The following CACNA1C variants were observed in gnomAD, a reference collection of about 807,000 sequenced individuals.
CACNA1C encodes the protein calcium voltage-gated channel subunit alpha1 C.
CACNA1C carries 30 observed loss-of-function variants against 229.0 expected under a neutral mutation model. That is an observed-to-expected ratio of 0.13 (90% CI 0.10 to 0.18). The LOEUF (loss-of-function observed/expected upper bound fraction) is 0.18. Among genes scored for constraint, CACNA1C ranks in the 10% least tolerant of loss-of-function variants. The pLI is 1.00. For synonymous variants in CACNA1C, 1,114 were observed against 1,132.5 expected (o/e 0.98, Z 0.33); for missense variants, 1,658 against 2,845.0 (o/e 0.58, Z 9.49).
chr12:2,251,678 T>A (rs2075661067), intron 3 of CACNA1C, among the ~76,000 whole-genome samples: 1 of 152,344 alleles, frequency 6.6e-6, no homozygotes, highest in East Asian at 1.9e-4. Flanking sequence ...ATAACCAAAA[T>A]ACCCTTTTGG....
At chr12:2,589,876 A>T (rs1403323903) in intron 18 of CACNA1C, among the ~76,000 whole-genome samples, 2 of 152,204 alleles carry the variant, frequency 1.3e-5, no homozygotes, top group Admixed American at 6.5e-5. Context: ...ATTCACTCAC[A>T]GCTTAGATGT....
chr12:2,059,617 A>G (rs560562541), intron 1 of CACNA1C, among the ~76,000 whole-genome samples: 216 of 152,294 alleles, frequency 1.4e-3, no homozygotes, highest in African/African-American at 5.0e-3. Context: ...ATAGGGGGCA[A>G]GGGGCTAGGC....
At position 2,054,921 on chromosome 12, in the gene CACNA1C, G is replaced by T. The variant is rs1375073852; in HGVS notation, c.49+1310G>T. On this transcript the variant is annotated intron_variant, in intron 1 of 46. Coordinates refer to ENST00000399655, the MANE Select transcript of CACNA1C (RefSeq NM_000719.7). The surrounding 1 kb of genome is among the most constrained non-coding windows in gnomAD (Gnocchi z 5.5). Reference sequence around the variant, plus strand: ...TTTGTCCAGCTTTTTCCCTCTGTTTGCTCCCAGCTCCACCTTTTGGGGACA... The same window carrying T: ...TTTGTCCAGCTTTTTCCCTCTGTTTTCTCCCAGCTCCACCTTTTGGGGACA... 6.6e-6 allele frequency among the ~76,000 whole-genome samples: 1 copy of T among 152,168 alleles called. No individual in the cohort carries two copies. The highest frequency in any genetic ancestry group is 1.5e-5 in the Non-Finnish European group (1 of 68,032).
chr12:2,432,911 A>T (rs1288912852), intron 3 of CACNA1C, among the ~76,000 whole-genome samples: 1 of 152,058 alleles, frequency 6.6e-6, no homozygotes, highest in Non-Finnish European at 1.5e-5. Context: ...AAGGAATTGG[A>T]GACTGAAGAG....
chr12:2,082,943 A>G (rs1196863782), intron 1 of CACNA1C, among the ~76,000 whole-genome samples: 1 of 152,188 alleles, frequency 6.6e-6, no homozygotes, highest in African/African-American at 2.4e-5. Flanking sequence ...CTGTGAAAAT[A>G]GTTTTTTGGT....
intron 30 of CACNA1C, among the ~76,000 whole-genome samples, chr12:2,642,446 G>A (rs1469771154): frequency 6.6e-6 from 1 of 152,114 alleles, no homozygotes; most frequent in Non-Finnish European, 1.5e-5. Context: ...CCTGCTGCTG[G>A]GGTTCTTTCC....
chr12:2,402,450 G>A (rs113936327), intron 3 of CACNA1C, among the ~76,000 whole-genome samples: 2,156 of 152,350 alleles, frequency 0.014, 54 homozygotes, highest in African/African-American at 0.047. Flanking sequence ...AGGCAGGCAG[G>A]AGGTGGCACT....
At chr12:2,547,903 C>T (rs1418393010) in intron 9 of CACNA1C, among the ~76,000 whole-genome samples, 2 of 152,118 alleles carry the variant, frequency 1.3e-5, no homozygotes, top group African/African-American at 2.4e-5. Context: ...CCTGCCCCTC[C>T]GATTTTGTCT....
At chr12:2,250,621 A>G (rs932025894) in intron 3 of CACNA1C, among the ~76,000 whole-genome samples, 1 of 152,116 alleles carries the variant, frequency 6.6e-6, no homozygotes, top group Non-Finnish European at 1.5e-5. Flanking sequence ...CACTGAGCCA[A>G]TGGAGCCCTG....
intron 3 of CACNA1C, among the ~76,000 whole-genome samples, chr12:2,312,142 C>T (rs2095469732): frequency 6.6e-6 from 1 of 152,132 alleles, no homozygotes; most frequent in Non-Finnish European, 1.5e-5. Context: ...TGGAGCTGAC[C>T]AATCCTTCAC....
At chr12:2,191,992 A>G (rs900238702) in intron 3 of CACNA1C, among the ~76,000 whole-genome samples, 6 of 151,870 alleles carry the variant, frequency 4.0e-5, no homozygotes, top group African/African-American at 1.5e-4. Flanking sequence ...ACGCACGCAC[A>G]CATGTATTCA....
chr12:2,162,175 A>G (rs940681355), intron 3 of CACNA1C, among the ~76,000 whole-genome samples: 2 of 152,072 alleles, frequency 1.3e-5, no homozygotes, highest in African/African-American at 4.8e-5. Context: ...CTCAGGACAC[A>G]CCTTACTCCC....
chr12:2,057,353 C>A (rs539983647), intron 1 of CACNA1C, among the ~76,000 whole-genome samples: 1 of 152,216 alleles, frequency 6.6e-6, no homozygotes, highest in Non-Finnish European at 1.5e-5. Flanking sequence ...GCGACCTGGC[C>A]AGACCTGCAG....
chr12:2,089,116 T>C (rs1486918243), intron 1 of CACNA1C, among the ~76,000 whole-genome samples: 1 of 152,122 alleles, frequency 6.6e-6, no homozygotes, highest in East Asian at 1.9e-4. Context: ...CTTGAGGGAT[T>C]CATGGTTCGT....
At chr12:2,373,593 C>A (rs1306383535) in intron 3 of CACNA1C, among the ~76,000 whole-genome samples, 1 of 152,074 alleles carries the variant, frequency 6.6e-6, no homozygotes, top group Non-Finnish European at 1.5e-5. Flanking sequence ...GGCGTGGATT[C>A]AGGGGCCGCA....
intron 3 of CACNA1C, among the ~76,000 whole-genome samples, chr12:2,325,530 C>T (rs568240113): frequency 4.3e-4 from 65 of 152,354 alleles, no homozygotes; most frequent in African/African-American, 1.1e-3. Flanking sequence ...CTCACTTACT[C>T]GTTGTGTGAA....
intron 4 of CACNA1C, 65 bp from the exon 5 acceptor site, chr12:2,457,502 C>G: frequency 2.6e-6 from 4 of 1,547,518 alleles, no homozygotes; most frequent in Non-Finnish European, 3.5e-6. Flanking sequence ...ATCCAGAGGT[C>G]AGAGCCCCAG....
intron 3 of CACNA1C, among the ~76,000 whole-genome samples, chr12:2,297,863 A>C (rs75138497): frequency 6.6e-6 from 1 of 152,212 alleles, no homozygotes; most frequent in African/African-American, 2.4e-5. Context: ...AAGAAACAAA[A>C]AAAAACCTAA....
At chr12:2,544,844 G>A (rs561977553) in intron 9 of CACNA1C, among the ~76,000 whole-genome samples, 1 of 152,318 alleles carries the variant, frequency 6.6e-6, no homozygotes, top group South Asian at 2.1e-4. Flanking sequence ...TTGGTTGTGC[G>A]ACATGCAGTC....
Sources: gnomAD v4.1 joint callset for allele counts (sites outside exome capture counted in the v4.1 genomes callset) on GRCh38, gnomAD v4.1.1 for gene constraint, Gnocchi (gnomAD v3.1) non-coding constraint, MANE v1.5 for transcripts, NCBI Gene and HGNC (gene_info 2026-07-23, HGNC 2026-07-21) for gene names.